Variants in CCDC127 observed in about 807,000 individuals in gnomAD.
The protein encoded by CCDC127 is coiled-coil domain-containing protein 127.
CCDC127 carries 2 observed loss-of-function variants against 4.1 expected under a neutral mutation model. The observed-to-expected ratio is 0.49, with a 90% CI of 0.20 to 1.53. The LOEUF is 1.53. CCDC127 is among the 40% of genes most tolerant of loss of function. CCDC127 has a pLI of 0.23. For missense variants in CCDC127, 271 were observed against 322.9 expected (o/e 0.84, Z 1.23); for synonymous variants, 98 against 120.4 (o/e 0.81, Z 1.22).
In CCDC127 at chr5:205,855, G is replaced by A. The variant is rs775198604; in HGVS notation, c.225C>T (p.His75=). 79 of 1,614,082 alleles carry A rather than the reference G, an allele frequency of 4.9e-5. No homozygotes were observed. Among genetic ancestry groups the A allele is most frequent in the South Asian group, 2.1e-4 (19 of 91,086 alleles). The change falls in exon 3 of 3, where the codon CAC becomes CAT. Residue 75 remains histidine, a synonymous_variant. Transcript: ENST00000296824. ...AFQQDLEAKY[H]AMISENRRAV... is the part of the protein sequence containing the mutation. ...CACGCCGATTTTCTGAGATCATGGC[G>A]TGGTACTTGGCTTCCAGATCCTGTT...
chr5:212,373 C>T (rs372092200), intron 2 of CCDC127, among the ~76,000 whole-genome samples: 14 of 34,698 alleles, frequency 4.0e-4, no homozygotes, highest in East Asian at 2.8e-3. Context: ...TGCTCGACAT[C>T]GCACACTGCA....
intron 2 of CCDC127, chr5:213,943 C>G (rs567436606): frequency 7.9e-5 from 12 of 152,172 alleles, no homozygotes; most frequent in Non-Finnish European, 1.5e-4. Flanking sequence ...GGAAAGGACC[C>G]AGATGTCTTT....
rs1328602270 is a variant in CCDC127, at chr5:218,131, G to A, written c.-49C>T. On this transcript the variant is annotated 5_prime_UTR_variant, in exon 1 of 3. Transcript: ENST00000296824. ...CGCGGGACCTCAGCGTTCCCTTAAC[G>A]CCACCGTCCGCGGGTCCGCTTTGCG... is the stretch of plus-strand genomic sequence containing the variant. 12 of 1,232,128 alleles carry A rather than the reference G, an allele frequency of 9.7e-6. No individual in the cohort carries two copies. The highest frequency in any genetic ancestry group is 1.2e-5 in the Non-Finnish European group (12 of 985,352). The allele number at this position is 1,232,128 out of a possible 1,614,324, so 76.3% of individuals were successfully genotyped here.
rs966042947 is a variant in CCDC127 at position 199,345 on chromosome 5, C to T, written c.*5952G>A. 1 of 160,034 alleles carries T rather than the reference C, an allele frequency of 6.2e-6. No individual in the cohort carries two copies. Among genetic ancestry groups the T allele is most frequent in the Non-Finnish European group, 1.4e-5 (1 of 74,012 alleles). The allele number at this position is 160,034 out of a possible 1,614,324, so 9.9% of individuals were successfully genotyped here. A position where few individuals can be genotyped will look rare whatever the true frequency, so the allele number is the denominator to read the frequency against. On this transcript the variant is annotated 3_prime_UTR_variant, in exon 3 of 3. Transcript: ENST00000296824. ...ACGTGGCCCCTCTGTGTGGACGTGG[C>T]CCCTCTGTGTGGTGGACGTGGCCAA...
rs2126500597 is a variant in CCDC127, at chr5:201,907, A to C, written c.*3390T>G. On this transcript the variant is annotated 3_prime_UTR_variant, in exon 3 of 3. Transcript: ENST00000296824. Reference sequence around the variant, plus strand: ...CCCAAGGAAACTGGACCTGCTTCCGAAACCTAGGATCTCCCAGAGCTCCAC... The same window carrying C: ...CCCAAGGAAACTGGACCTGCTTCCGCAACCTAGGATCTCCCAGAGCTCCAC... 1 of 152,196 alleles carries C rather than the reference A, an allele frequency of 6.6e-6. No homozygotes were observed. The highest frequency in any genetic ancestry group is 1.9e-4 in the East Asian group (1 of 5,180). The allele number at this position is 152,196 out of a possible 1,614,324, so 9.4% of individuals were successfully genotyped here.
Position 205,037 on chromosome 5 carries a change from C to CTGCTTAATACA in CCDC127, c.*249_*259dup, listed in dbSNP as rs1218330591. 1 of 421,714 alleles carries CTGCTTAATACA rather than the reference C, an allele frequency of 2.4e-6. No individual in the cohort carries two copies. Among genetic ancestry groups the CTGCTTAATACA allele is most frequent in the Non-Finnish European group, 4.2e-6 (1 of 238,234 alleles). The allele number at this position is 421,714 out of a possible 1,614,324, so 26.1% of individuals were successfully genotyped here. ...AGCTAAAATACGAGGTTATACTGTT[C>CTGCTTAATACA]TGCTTAATACAATACTGGCAGCCTA... On this transcript the variant is annotated 3_prime_UTR_variant, in exon 3 of 3. Transcript: ENST00000296824.
At chr5:215,197 G>GT (rs890815435) in intron 2 of CCDC127, 1 of 152,000 alleles carries the variant, frequency 6.6e-6, no homozygotes, top group African/African-American at 2.4e-5. Flanking sequence ...CAAACACATC[G>GT]TAACACACCT....
In CCDC127 at chr5:199,292, T is replaced by G. The variant is rs1734025971; in HGVS notation, c.*6005A>C. 1.3e-5 allele frequency: 2 copies of G among 153,076 alleles called. No homozygotes were observed. Among genetic ancestry groups the G allele is most frequent in the Admixed American group, 1.3e-4 (2 of 14,912 alleles). The allele number at this position is 153,076 out of a possible 1,614,324, so 9.5% of individuals were successfully genotyped here. Reference sequence around the variant, plus strand: ...ATACGCAGGCCCAGTGGCCCCTGTGTGGTGGACGTGGCCCCTCTGTGTGGT... The same window carrying G: ...ATACGCAGGCCCAGTGGCCCCTGTGGGGTGGACGTGGCCCCTCTGTGTGGT... On this transcript the variant is annotated 3_prime_UTR_variant, in exon 3 of 3. Transcript: ENST00000296824.
rs1216483544 is a variant in CCDC127, at chr5:201,704, G to A, written c.*3593C>T. 6.6e-6 allele frequency: 1 copy of A among 152,208 alleles called. No individual in the cohort carries two copies. The highest frequency in any genetic ancestry group is 1.5e-5 in the Non-Finnish European group (1 of 68,032). 9.4% of individuals were successfully genotyped at this position (152,208 alleles called of 1,614,324 possible). On this transcript the variant is annotated 3_prime_UTR_variant, in exon 3 of 3. Transcript: ENST00000296824. Reference sequence around the variant, plus strand: ...TTGGAATGTCCAGGTCAATTGTGATGCCTTCGAACTTCATTCCAAAGTCAA... The same window carrying A: ...TTGGAATGTCCAGGTCAATTGTGATACCTTCGAACTTCATTCCAAAGTCAA...
chr5:208,567 C>T (rs1336181123), intron 2 of CCDC127, among the ~76,000 whole-genome samples: 1 of 152,230 alleles, frequency 6.6e-6, no homozygotes, highest in African/African-American at 2.4e-5. Flanking sequence ...CAGCAGCAAA[C>T]ACAGGGTGGG....
At chr5:217,594 G>A (rs1204700834) in intron 1 of CCDC127, among the ~76,000 whole-genome samples, 2 of 152,044 alleles carry the variant, frequency 1.3e-5, no homozygotes, top group Admixed American at 6.6e-5. Flanking sequence ...GAAGGAAAGG[G>A]TCTTCTGATC....
rs1302918834 is a variant in CCDC127 at position 199,281 on chromosome 5, T to G, written c.*6016A>C. The G allele has an allele frequency of 6.4e-6, 1 of 156,788 alleles. No homozygotes were observed. Among genetic ancestry groups the G allele is most frequent in the Non-Finnish European group, 1.4e-5 (1 of 71,298 alleles). The allele number at this position is 156,788 out of a possible 1,614,324, so 9.7% of individuals were successfully genotyped here. ...GCCAAGGAGATATACGCAGGCCCAG[T>G]GGCCCCTGTGTGGTGGACGTGGCCC... is the stretch of plus-strand genomic sequence containing the variant. On this transcript the variant is annotated 3_prime_UTR_variant, in exon 3 of 3. Transcript: ENST00000296824.
At position 205,383 on chromosome 5, in the gene CCDC127, G is replaced by A. The variant is rs1420234794; in HGVS notation, c.697C>T (p.Leu233Phe). The A allele has an allele frequency of 1.9e-6, 3 of 1,614,216 alleles. No individual in the cohort carries two copies. Among genetic ancestry groups the A allele is most frequent in the East Asian group, 2.2e-5 (1 of 44,890 alleles). ...CAGTATTTGAGATAGAGCCACATGA[G>A]TCTGCCATTCTGGCGTTTGTTGGTG... is the stretch of plus-strand genomic sequence containing the variant. The part of the protein sequence containing the change: ...WNTNKRQNGR[L>F]MWLYLKYWEL... The change falls in exon 3 of 3, where the codon CTC (leucine) becomes TTC (phenylalanine). Residue 233 changes from leucine to phenylalanine, a missense_variant. Physicochemically the swap from Leu to Phe is conservative, Grantham distance 22. Transcript: ENST00000296824.
chr5:206,074 G>A (rs1173124220), intron 2 of CCDC127, 116 bp from the exon 3 acceptor site: 12 of 905,734 alleles, frequency 1.3e-5, no homozygotes, highest in Non-Finnish European at 2.0e-5. Context: ...TTAAGACCTC[G>A]GCTGTACCAA....
chr5:209,839 C>T (rs572177495), intron 2 of CCDC127, among the ~76,000 whole-genome samples: 18 of 152,288 alleles, frequency 1.2e-4, no homozygotes, highest in African/African-American at 4.1e-4. Flanking sequence ...CAATCTAACA[C>T]ATTACTAAGC....
chr5:214,460 C>G (rs1023453585), intron 2 of CCDC127: 1 of 152,032 alleles, frequency 6.6e-6, no homozygotes, highest in Non-Finnish European at 1.5e-5. Flanking sequence ...TTTTCTGGGT[C>G]AGGGGAGGAA....
chr5:210,143 T>C (rs1734252344), intron 2 of CCDC127, among the ~76,000 whole-genome samples: 1 of 152,228 alleles, frequency 6.6e-6, no homozygotes, highest in African/African-American at 2.4e-5. Context: ...TTACTCCTTA[T>C]TAACAAAATT....
Position 198,113 on chromosome 5 carries a change from G to A in CCDC127, c.*7184C>T, listed in dbSNP as rs533851448. ...GGGTTGGGTACCCAGCATGAGTGCC[G>A]TACAGGAGCCTGCCTCCCGGGGGCG... is the stretch of plus-strand genomic sequence containing the variant. On this transcript the variant is annotated 3_prime_UTR_variant, in exon 3 of 3. Transcript: ENST00000296824. 7.2e-5 allele frequency: 11 copies of A among 152,472 alleles called. No individual in the cohort carries two copies. The highest frequency in any genetic ancestry group is 2.0e-4 in the Admixed American group (3 of 15,306). 9.4% of individuals were successfully genotyped at this position (152,472 alleles called of 1,614,324 possible).
At chr5:210,663 T>TGA (rs36212233) in intron 2 of CCDC127, among the ~76,000 whole-genome samples, 21,281 of 131,872 alleles carry the variant, frequency 0.16, 921 homozygotes, top group African/African-American at 0.32. Flanking sequence ...GTGAGCACGC[T>TGA]GATGCTCGAC....
Sources: allele counts gnomAD v4.1 joint callset (sites outside exome capture counted in the v4.1 genomes callset), GRCh38; gene constraint gnomAD v4.1.1; transcripts MANE v1.5; gene names NCBI Gene and HGNC (gene_info 2026-07-23, HGNC 2026-07-21).